Variants in CORO2B observed in about 807,000 individuals in gnomAD.
CORO2B encodes coronin 2B.
A neutral mutation model predicts 58.8 loss-of-function variants in CORO2B; 26 were observed. The ratio of observed to expected loss-of-function variants is 0.44; its 90% confidence interval spans 0.32 to 0.61. CORO2B has a LOEUF of 0.61. CORO2B is among the 20% of genes least tolerant of loss of function. The pLI is 0.04. For synonymous variants in CORO2B, 242 were observed against 253.8 expected (o/e 0.95, Z 0.44); for missense variants, 460 against 645.1 (o/e 0.71, Z 3.11).
intron 3 of CORO2B, among the ~76,000 whole-genome samples, chr15:68,699,744 A>G (rs1369610920): frequency 6.6e-6 from 1 of 152,108 alleles, no homozygotes; most frequent in African/African-American, 2.4e-5. Flanking sequence ...CTGGGACCCT[A>G]AGGGAGGTGC....
intron 1 of CORO2B, among the ~76,000 whole-genome samples, chr15:68,614,915 C>T (rs1301161132): frequency 6.6e-6 from 1 of 152,226 alleles, no homozygotes; most frequent in Non-Finnish European, 1.5e-5. Context: ...GCAGCTGGGA[C>T]AAAGCTCCTG....
chr15:68,680,411 G>T (rs538035065), intron 2 of CORO2B, among the ~76,000 whole-genome samples: 2 of 152,140 alleles, frequency 1.3e-5, no homozygotes, highest in Non-Finnish European at 2.9e-5. Flanking sequence ...AGCAAACAAC[G>T]CAAGACAATG....
At chr15:68,722,935 C>T (rs1257144738) in intron 11 of CORO2B, among the ~76,000 whole-genome samples, 6 of 151,694 alleles carry the variant, frequency 4.0e-5, no homozygotes, top group Admixed American at 6.6e-5. Flanking sequence ...GGTGTGGTGG[C>T]GCACGCCTGT....
At chr15:68,722,059 T>C (rs1567020996) in intron 11 of CORO2B, among the ~76,000 whole-genome samples, 1 of 152,198 alleles carries the variant, frequency 6.6e-6, no homozygotes, top group Non-Finnish European at 1.5e-5. Context: ...AGCTATTTTC[T>C]TGTTTTTAAA....
At chr15:68,595,588 G>A (rs1899805930) in intron 1 of CORO2B, among the ~76,000 whole-genome samples, 4 of 152,208 alleles carry the variant, frequency 2.6e-5, no homozygotes, top group Admixed American at 2.6e-4. Flanking sequence ...TCAGCTCTGT[G>A]ACTGGCTTGG....
chr15:68,621,732 C>A (rs1174902690), intron 1 of CORO2B, among the ~76,000 whole-genome samples: 1 of 151,108 alleles, frequency 6.6e-6, no homozygotes, highest in African/African-American at 2.4e-5. Context: ...AGTTCAGCTC[C>A]TTGACAGTCA....
chr15:68,710,894 C>A lies in CORO2B; in HGVS notation c.483+13C>A, dbSNP rs990750990. The A allele has an allele frequency of 2.5e-6, 4 of 1,584,292 alleles. No homozygotes were observed. The African/African-American group carries it at 5.4e-5, about 21-fold the overall frequency. ...CTACGACTACAAGGTATGCAGTGGG[C>A]AGGCAGCTGGGTGGAGAGGGATTGG... On this transcript the variant is annotated intron_variant, in intron 4 of 11. Transcript: ENST00000261861. The surrounding 1 kb of genome is among the most constrained non-coding windows in gnomAD (Gnocchi z 4.1).
At chr15:68,696,189 G>A (rs527441884) in intron 3 of CORO2B, among the ~76,000 whole-genome samples, 1 of 151,582 alleles carries the variant, frequency 6.6e-6, no homozygotes, top group African/African-American at 2.4e-5. Flanking sequence ...GGTCAAGGCT[G>A]CAGTGAGCTG....
At chr15:68,692,069 G>C (rs1892391791) in intron 2 of CORO2B, among the ~76,000 whole-genome samples, 2 of 152,224 alleles carry the variant, frequency 1.3e-5, no homozygotes. Context: ...CAGGAGGGGA[G>C]CTGGCTAACA....
chr15:68,622,598 G>A (rs1900558364), intron 1 of CORO2B, among the ~76,000 whole-genome samples: 3 of 152,242 alleles, frequency 2.0e-5, no homozygotes, highest in South Asian at 2.1e-4. Context: ...GGACCTCACC[G>A]ACTACTCATT....
chr15:68,690,088 T>G (rs894162186), intron 2 of CORO2B, among the ~76,000 whole-genome samples: 8 of 152,228 alleles, frequency 5.3e-5, no homozygotes, highest in Non-Finnish European at 1.2e-4. Context: ...GTTCTTGAGG[T>G]TATCTGTGAC....
the CORO2B span, among the ~76,000 whole-genome samples, chr15:68,545,228 G>T: frequency 4.6e-5 from 7 of 152,316 alleles, no homozygotes; most frequent in African/African-American, 9.6e-5. Context: ...TTGCCATGGA[G>T]TCTTCACGAC....
intron 1 of CORO2B, among the ~76,000 whole-genome samples, chr15:68,623,814 G>A (rs968212528): frequency 1.3e-5 from 2 of 152,144 alleles, no homozygotes; most frequent in Non-Finnish European, 2.9e-5. Context: ...GGTTGGAGGC[G>A]GGTGTGTTTG....
intron 1 of CORO2B, among the ~76,000 whole-genome samples, chr15:68,593,356 T>C (rs1471927785): frequency 1.3e-5 from 2 of 152,202 alleles, no homozygotes; most frequent in Non-Finnish European, 2.9e-5. Flanking sequence ...GCAAATGAAA[T>C]AGTTGGTCCT....
chr15:68,573,222 G>A, the CORO2B span, among the ~76,000 whole-genome samples: 3 of 152,046 alleles, frequency 2.0e-5, no homozygotes, highest in African/African-American at 7.3e-5. Context: ...TGCCAAAGTC[G>A]GCATATGTGC....
At chr15:68,632,014 A>G (rs1047538061) in intron 1 of CORO2B, 14 of 985,322 alleles carry the variant, frequency 1.4e-5, no homozygotes, top group South Asian at 4.7e-5. Context: ...TTTAGTAATG[A>G]GGGAGGCAGG....
the CORO2B span, among the ~76,000 whole-genome samples, chr15:68,550,319 C>G: frequency 6.6e-6 from 1 of 152,198 alleles, no homozygotes; most frequent in Non-Finnish European, 1.5e-5. Context: ...TTGTCATTGA[C>G]TTGCCATGAC....
At chr15:68,594,904 G>A (rs1191819084) in intron 1 of CORO2B, among the ~76,000 whole-genome samples, 1 of 152,224 alleles carries the variant, frequency 6.6e-6, no homozygotes, top group Non-Finnish European at 1.5e-5. Context: ...TCTGGGCTTT[G>A]CCTCTATCAT....
rs1006568089 is a variant in CORO2B at position 68,645,216 on chromosome 15, G to T, written c.72G>T (p.Val24=). ...SSKFRNVYGK[V]ANREHCFDGI... is the part of the protein sequence containing the mutation. ...AGTTCCGGAATGTCTACGGGAAGGT[G>T]GCCAACCGGGAGCACTGCTTCGATG... Residue 24 remains valine, a synonymous_variant, in exon 2 of 12, where the codon GTG becomes GTT. Transcript: ENST00000261861. The surrounding 1 kb of genome is among the most constrained non-coding windows in gnomAD (Gnocchi z 4.5). 5.0e-6 allele frequency: 8 copies of T among 1,614,132 alleles called. No individual in the cohort carries two copies. Among genetic ancestry groups the T allele is most frequent in the Non-Finnish European group, 6.8e-6 (8 of 1,180,026 alleles).
Sources: gnomAD v4.1 joint callset for allele counts (sites outside exome capture counted in the v4.1 genomes callset) on GRCh38, gnomAD v4.1.1 for gene constraint, Gnocchi (gnomAD v3.1) non-coding constraint, MANE v1.5 for transcripts, NCBI Gene and HGNC (gene_info 2026-07-23, HGNC 2026-07-21) for gene names.